The following GRM5 variants were observed in gnomAD, a reference collection of about 807,000 sequenced individuals.
GRM5 encodes metabotropic glutamate receptor 5.
In GRM5, 19 loss-of-function variants were observed where a neutral mutation model predicts 83.1. That is an observed-to-expected ratio of 0.23 (90% CI 0.16 to 0.34). The LOEUF (loss-of-function observed/expected upper bound fraction) is 0.34. Ranked by LOEUF, GRM5 falls within the 10% of genes least tolerant of loss-of-function variation. GRM5 has a pLI of 1.00. For missense variants in GRM5, 1,160 were observed against 1,588.3 expected, an observed-to-expected ratio of 0.73 and a Z score of 4.58; for synonymous variants, 675 against 633.6, an observed-to-expected ratio of 1.07 and a Z score of -0.98.
chr11:88,539,872 A>C (rs1464720495), intron 8 of GRM5, among the ~76,000 whole-genome samples: 1 of 152,184 alleles, frequency 6.6e-6, no homozygotes, highest in Admixed American at 6.5e-5. Flanking sequence ...AATCTGTATC[A>C]GGGCCTATTC....
chr11:88,717,778 A>T (rs1454569534), intron 3 of GRM5, among the ~76,000 whole-genome samples: 1 of 151,876 alleles, frequency 6.6e-6, no homozygotes, highest in South Asian at 2.1e-4. Context: ...ACATTGAAAC[A>T]TTCACATTTT....
At chr11:89,064,144 C>G (rs1942053276) in intron 1 of GRM5, among the ~76,000 whole-genome samples, 1 of 152,126 alleles carries the variant, frequency 6.6e-6, no homozygotes, top group South Asian at 2.1e-4. Flanking sequence ...ATGTTTTACT[C>G]TAAAACCTTC....
chr11:88,649,052 ATATAATATATATAT>A (rs1421810450), intron 4 of GRM5, among the ~76,000 whole-genome samples: 2 of 145,684 alleles, frequency 1.4e-5, no homozygotes, highest in African/African-American at 2.5e-5. Flanking sequence ...TATACATAAT[ATATAATATATATAT>A]TATAATATAT....
chr11:88,941,110 T>C (rs1464094092), intron 2 of GRM5, among the ~76,000 whole-genome samples: 1 of 151,834 alleles, frequency 6.6e-6, no homozygotes, highest in Non-Finnish European at 1.5e-5. Context: ...AGTCATTTTA[T>C]ACTAATAAGA....
At chr11:89,007,275 A>G (rs1940556838) in intron 2 of GRM5, among the ~76,000 whole-genome samples, 1 of 152,174 alleles carries the variant, frequency 6.6e-6, no homozygotes, top group Non-Finnish European at 1.5e-5. Flanking sequence ...CCATGACCCC[A>G]GGAGAGTAGT....
chr11:88,893,142 CA>C (rs398017016), intron 2 of GRM5, among the ~76,000 whole-genome samples: 3,939 of 118,356 alleles, frequency 0.033, 131 homozygotes, highest in African/African-American at 0.1. Flanking sequence ...TAATAGTCAC[CA>C]AAAAAAAAAA....
chr11:89,032,012 T>A (rs1280238780), intron 2 of GRM5, among the ~76,000 whole-genome samples: 1 of 152,090 alleles, frequency 6.6e-6, no homozygotes, highest in Non-Finnish European at 1.5e-5. Context: ...CTACACATCA[T>A]AAATATTGCA....
intron 2 of GRM5, among the ~76,000 whole-genome samples, chr11:88,862,978 AGAT>A (rs1436424603): frequency 6.6e-6 from 1 of 152,250 alleles, no homozygotes; most frequent in African/African-American, 2.4e-5. Flanking sequence ...TCTCAAAAGA[AGAT>A]ATTTATGCAG....
intron 7 of GRM5, among the ~76,000 whole-genome samples, chr11:88,570,662 C>G (rs1171475625): frequency 1.4e-5 from 2 of 144,456 alleles, no homozygotes; most frequent in Non-Finnish European, 3.0e-5. Flanking sequence ...TCACTGCAAC[C>G]TCTGCCTCCC....
At chr11:89,051,263 A>T (rs1941754943) in intron 1 of GRM5, among the ~76,000 whole-genome samples, 1 of 149,860 alleles carries the variant, frequency 6.7e-6, no homozygotes, top group Admixed American at 6.7e-5. Flanking sequence ...CACAAAAAAG[A>T]AAAAGAAAAA....
intron 3 of GRM5, among the ~76,000 whole-genome samples, chr11:88,653,814 A>G (rs1221889158): frequency 6.6e-6 from 1 of 152,122 alleles, no homozygotes; most frequent in African/African-American, 2.4e-5. Context: ...TATAATGATC[A>G]TAAAATAAGA....
chr11:89,041,040 C>A (rs544187819), intron 2 of GRM5, among the ~76,000 whole-genome samples: 5 of 152,322 alleles, frequency 3.3e-5, no homozygotes, highest in Admixed American at 2.0e-4. Context: ...GCAGAAGCAA[C>A]TTCAACAGAA....
rs529594545 is a variant in GRM5, at chr11:88,565,335, C to A, written c.2630+1718G>T. 9.8e-5 allele frequency among the ~76,000 whole-genome samples: 15 copies of A among 152,286 alleles called. No individual in the cohort carries two copies. In the East Asian group the frequency reaches 1.4e-3, roughly 14 times the overall value. ...TTTGTCAGATGATAGAAATAAGGTG[C>A]AGAGAGACAAAGTAGCACTGCTGTT... On this transcript the variant is annotated intron_variant, in intron 8 of 9. Transcript: ENST00000305447.
chr11:88,620,555 T>G (rs187637521), intron 4 of GRM5, among the ~76,000 whole-genome samples: 274 of 152,306 alleles, frequency 1.8e-3, no homozygotes, highest in Non-Finnish European at 1.9e-3. Context: ...AATGTTGTAA[T>G]GAAGGTGCAG....
intron 2 of GRM5, among the ~76,000 whole-genome samples, chr11:88,879,100 A>G (rs1944907115): frequency 6.6e-6 from 1 of 152,156 alleles, no homozygotes; most frequent in Non-Finnish European, 1.5e-5. Context: ...ATAGGATAAG[A>G]AATACTATGG....
intron 2 of GRM5, among the ~76,000 whole-genome samples, chr11:88,854,056 G>GTA (rs1565262477): frequency 2.8e-4 from 5 of 17,774 alleles, no homozygotes; most frequent in Admixed American, 1.1e-3. Context: ...AAAAAATGTG[G>GTA]TGTATATATA....
At chr11:88,832,557 T>A (rs1944014963) in intron 3 of GRM5, among the ~76,000 whole-genome samples, 1 of 152,104 alleles carries the variant, frequency 6.6e-6, no homozygotes, top group Admixed American at 6.5e-5. Context: ...AATCTACAGA[T>A]TCCATGTAAT....
At chr11:88,966,097 C>T (rs532418278) in intron 2 of GRM5, among the ~76,000 whole-genome samples, 2 of 152,116 alleles carry the variant, frequency 1.3e-5, no homozygotes, top group Admixed American at 6.6e-5. Flanking sequence ...AGAAATATAT[C>T]TGGGAAACCT....
chr11:89,023,218 T>A (rs1253054985), intron 2 of GRM5, among the ~76,000 whole-genome samples: 1 of 151,972 alleles, frequency 6.6e-6, no homozygotes, highest in Non-Finnish European at 1.5e-5. Context: ...AATATCAGAA[T>A]AATGATGAAG....
Sources: allele counts gnomAD v4.1 joint callset (sites outside exome capture counted in the v4.1 genomes callset), GRCh38; gene constraint gnomAD v4.1.1; transcripts MANE v1.5; gene names NCBI Gene and HGNC (gene_info 2026-07-23, HGNC 2026-07-21).